CRTAP: variants seen among roughly 807,000 people sequenced by gnomAD.
CRTAP encodes the protein cartilage associated protein, also known as cartilage-associated protein.
Under a neutral mutation model 42.7 loss-of-function variants are expected in CRTAP, and 33 were observed. The ratio of observed to expected loss-of-function variants is 0.77; its 90% CI spans 0.59 to 1.03. The LOEUF (loss-of-function observed/expected upper bound fraction) is 1.03, where lower values mean the gene tolerates loss of function less well. CRTAP is among the 50% of genes least tolerant of loss of function. The probability of loss-of-function intolerance (pLI) is 0.00; values close to 1 mark genes in which losing one functional copy is unlikely to be tolerated. For missense variants in CRTAP, 613 were observed against 533.9 expected, an observed-to-expected ratio of 1.15 and a Z score of -1.46; for synonymous variants, 243 against 217.7, an observed-to-expected ratio of 1.12 and a Z score of -1.02.
intron 1 of CRTAP, among the ~76,000 whole-genome samples, chr3:33,118,819 C>T (rs2125597930): frequency 6.6e-6 from 1 of 152,268 alleles, no homozygotes; most frequent in Non-Finnish European, 1.5e-5. Context: ...ATTTGCCTGC[C>T]CTCCTGAGGT....
intron 1 of CRTAP, among the ~76,000 whole-genome samples, chr3:33,115,932 A>C (rs1662011028): frequency 6.6e-6 from 1 of 152,172 alleles, no homozygotes; most frequent in South Asian, 2.1e-4. Flanking sequence ...TTAAAAAAAA[A>C]CAGTTTTAAA....
At position 33,142,664 on chromosome 3, in the gene CRTAP, C is replaced by CT. The variant is rs1218720690; in HGVS notation, c.*224dup. On this transcript the variant is annotated 3_prime_UTR_variant, in exon 7 of 7. Transcript: ENST00000320954. ...TCATGTTCACACCTATCTTTCTCAC[C>CT]TTTTTTTTGAGATGGAGTCTCGCTC... 3.8e-4 allele frequency: 204 copies of CT among 535,102 alleles called. No individual in the cohort carries two copies. The highest frequency in any genetic ancestry group is 6.4e-4 in the East Asian group (20 of 31,344). 33.1% of individuals were successfully genotyped at this position (535,102 alleles called of 1,614,324 possible). A position where few individuals can be genotyped will look rare whatever the true frequency, so the allele number is the denominator to read the frequency against.
At chr3:33,139,316 A>G (rs1455553017) in intron 6 of CRTAP, among the ~76,000 whole-genome samples, 3 of 152,038 alleles carry the variant, frequency 2.0e-5, no homozygotes, top group Admixed American at 1.3e-4. Context: ...GGAAAAAAAA[A>G]GAAGTGGAGA....
Position 33,134,264 on chromosome 3 carries a change from A to G in CRTAP, c.1151A>G (p.Glu384Gly), listed in dbSNP as rs754519818. Residue 384 changes from glutamate to glycine, a missense_variant and splice_region_variant, in exon 6 of 7, where the codon GAG becomes GGG. Physicochemically the swap from Glu to Gly is moderately conservative, Grantham distance 98 (BLOSUM62 -2). Coordinates refer to ENST00000320954, the MANE Select transcript of CRTAP (RefSeq NM_006371.5). ...FAKENIMDDD[E>G]GEVVEYVDDL... ...AAGGAAAATATAATGGATGATGATG[A>G]GGTAAGTTTTCATGCTTAGCACATG... 2.5e-6 allele frequency: 4 copies of G among 1,591,770 alleles called. No individual in the cohort carries two copies. In the Admixed American group the frequency reaches 6.7e-5, roughly 27 times the overall value.
intron 1 of CRTAP, among the ~76,000 whole-genome samples, chr3:33,116,175 A>G (rs546601869): frequency 2.0e-5 from 3 of 152,332 alleles, no homozygotes; most frequent in Non-Finnish European, 4.4e-5. Context: ...GATGAATTTG[A>G]ACAAGTGTTA....
chr3:33,125,581 T>C (rs940228763), intron 3 of CRTAP, among the ~76,000 whole-genome samples: 1 of 135,894 alleles, frequency 7.4e-6, no homozygotes, highest in African/African-American at 2.8e-5. Flanking sequence ...GAAGAGTAGA[T>C]AAACCACCAT....
At chr3:33,127,199 G>C (rs1370552478) in intron 3 of CRTAP, among the ~76,000 whole-genome samples, 1 of 150,992 alleles carries the variant, frequency 6.6e-6, no homozygotes, top group Admixed American at 6.6e-5. Context: ...TTTCCCTTTG[G>C]CTTAGTGATT....
chr3:33,125,969 A>G (rs2030054988), intron 3 of CRTAP, among the ~76,000 whole-genome samples: 1 of 152,208 alleles, frequency 6.6e-6, no homozygotes, highest in South Asian at 2.1e-4. Context: ...GTGGTAAAAT[A>G]TACGTTAATA....
chr3:33,135,140 G>C (rs1236156152), intron 6 of CRTAP, among the ~76,000 whole-genome samples: 1 of 152,206 alleles, frequency 6.6e-6, no homozygotes, highest in Non-Finnish European at 1.5e-5. Context: ...TCCCAGGGTT[G>C]TGAGAATAAA....
Position 33,122,427 on chromosome 3 carries a change from C to T in CRTAP, c.621+1934C>T, listed in dbSNP as rs868606120. On this transcript the variant is annotated intron_variant, in intron 2 of 6. Coordinates refer to ENST00000320954, the MANE Select transcript of CRTAP (RefSeq NM_006371.5). ...CAGGAGGTTTAAGAAAATCCACCCTCGGCCAGGCGCGGTCCTCATGCCTGT... is the reference window on the plus strand; with the variant it reads ...CAGGAGGTTTAAGAAAATCCACCCTTGGCCAGGCGCGGTCCTCATGCCTGT... 9.2e-5 allele frequency among the ~76,000 whole-genome samples: 14 copies of T among 152,054 alleles called. No homozygotes were observed. In the Middle Eastern group the frequency reaches 0.01, roughly 111 times the overall value.
Position 33,114,554 on chromosome 3 carries a change from T to C in CRTAP, c.471+6T>C. 3.2e-6 allele frequency: 5 copies of C among 1,572,568 alleles called. No homozygotes were observed. The highest frequency in any genetic ancestry group is 4.3e-6 in the Non-Finnish European group (5 of 1,159,960). On this transcript the variant is annotated splice_donor_region_variant and intron_variant, in intron 1 of 6. Transcript: ENST00000320954. ...TGCAGTTCGCTTACTTCAAGGCAAG[T>C]CCGCCTCGCCCCGTCCCAGGCCCCG...
In CRTAP at chr3:33,132,568, G is replaced by T; in HGVS notation, c.936G>T (p.Lys312Asn). 6.2e-7 allele frequency: 1 copy of T among 1,614,120 alleles called. No homozygotes were observed. The highest frequency in any genetic ancestry group is 8.5e-7 in the Non-Finnish European group (1 of 1,179,972). Residue 312 changes from lysine (K) to asparagine (N), a missense_variant, in exon 5 of 7, where the codon AAG (lysine) becomes AAT (asparagine). By Grantham distance (94) the Lys-to-Asn change is moderately conservative. Transcript: ENST00000320954. ...TCCCAACCCTAGTGAACGACCTGAAGAATGCAGCCCCCTGTGCAGTCAGCT... is the reference window on the plus strand; with the variant it reads ...TCCCAACCCTAGTGAACGACCTGAATAATGCAGCCCCCTGTGCAGTCAGCT... ...QFAYYKLNDLKNAAPCAVSYL... is the reference protein window; with the variant it reads ...QFAYYKLNDLNNAAPCAVSYL...
At position 33,120,892 on chromosome 3, in the gene CRTAP, A is replaced by G. The variant is rs1381076502; in HGVS notation, c.621+399A>G. Among the ~76,000 whole-genome samples, 6 of 152,200 alleles carry G rather than the reference A, an allele frequency of 3.9e-5. No homozygotes were observed. In the East Asian group the frequency reaches 1.2e-3, roughly 29 times the overall value. On this transcript the variant is annotated intron_variant, in intron 2 of 6. Transcript: ENST00000320954. The stretch of plus-strand genomic sequence containing the variant: ...ACACTTGCACACAAACGCACCCTAA[A>G]TATATTAAGGTAGAAAATGAAGACG...
chr3:33,135,581 C>T (rs61352100), intron 6 of CRTAP, among the ~76,000 whole-genome samples: 2,161 of 147,958 alleles, frequency 0.015, 57 homozygotes, highest in African/African-American at 0.05. Context: ...ACTCCAGACT[C>T]GGCAATTGGA....
At chr3:33,130,949 T>C (rs1163536492) in intron 4 of CRTAP, among the ~76,000 whole-genome samples, 3 of 152,172 alleles carry the variant, frequency 2.0e-5, no homozygotes, top group African/African-American at 7.2e-5. Flanking sequence ...AGGGTTAGAC[T>C]TCAGAGCCTG....
intron 3 of CRTAP, among the ~76,000 whole-genome samples, chr3:33,126,525 A>G (rs1160970349): frequency 2.0e-5 from 3 of 152,182 alleles, no homozygotes; most frequent in African/African-American, 4.8e-5. Context: ...GTGGGAGTCA[A>G]CTGCTTCATA....
chr3:33,136,479 A>C (rs2030421139), intron 6 of CRTAP, among the ~76,000 whole-genome samples: 1 of 152,336 alleles, frequency 6.6e-6, no homozygotes, highest in South Asian at 2.1e-4. Flanking sequence ...GGCTGGGTGC[A>C]GTGGTTCATG....
At chr3:33,116,860 C>T (rs944815162) in intron 1 of CRTAP, among the ~76,000 whole-genome samples, 4 of 152,120 alleles carry the variant, frequency 2.6e-5, no homozygotes, top group African/African-American at 9.7e-5. Context: ...AATCCCAGCA[C>T]TTTGGGATGC....
rs554254718 is a variant in CRTAP, at chr3:33,117,631, G to T, written c.472-2713G>T. 2.6e-5 allele frequency among the ~76,000 whole-genome samples: 4 copies of T among 152,312 alleles called. No individual in the cohort carries two copies. The South Asian group carries it at 8.3e-4, about 32-fold the overall frequency. ...GACTCACAGGCACTGTTAACCCCAG[G>T]CCTTGCCTGGCTGTGGCCTCTAACT... On this transcript the variant is annotated intron_variant, in intron 1 of 6. Transcript: ENST00000320954.
Sources: allele counts gnomAD v4.1 joint callset (sites outside exome capture counted in the v4.1 genomes callset), GRCh38; gene constraint gnomAD v4.1.1; transcripts MANE v1.5; gene names NCBI Gene and HGNC (gene_info 2026-07-23, HGNC 2026-07-21).